The following FGGY variants were observed in gnomAD, a reference collection of about 807,000 sequenced individuals.
The protein encoded by FGGY is FGGY carbohydrate kinase domain containing.
In FGGY, 72 loss-of-function variants were observed where a neutral mutation model predicts 71.3. The ratio of observed to expected loss-of-function variants is 1.01; its 90% CI spans 0.84 to 1.23. FGGY has a LOEUF of 1.23. FGGY is among the 50% of genes most tolerant of loss of function. The pLI is 0.00. For synonymous variants in FGGY, 251 were observed against 250.3 expected, an observed-to-expected ratio of 1.00 and a Z score of -0.02; for missense variants, 668 against 682.3, an observed-to-expected ratio of 0.98 and a Z score of 0.23.
chr1:59,587,569 C>G (rs2096328359), intron 8 of FGGY, among the ~76,000 whole-genome samples: 1 of 152,182 alleles, frequency 6.6e-6, no homozygotes, highest in Admixed American at 6.5e-5. Flanking sequence ...ACTGACACCT[C>G]ACACGGCCGG....
At chr1:59,368,581 C>T (rs991928455) in intron 4 of FGGY, among the ~76,000 whole-genome samples, 2 of 152,104 alleles carry the variant, frequency 1.3e-5, no homozygotes, top group African/African-American at 2.4e-5. Context: ...ACTTAGAGGA[C>T]GATCACTGTG....
At chr1:59,684,093 T>G (rs1022449807) in intron 14 of FGGY, among the ~76,000 whole-genome samples, 4 of 152,218 alleles carry the variant, frequency 2.6e-5, no homozygotes, top group African/African-American at 9.7e-5. Context: ...AGCCTGCATG[T>G]GACGGGAACA....
At chr1:59,729,019 G>T (rs552217043) in intron 14 of FGGY, among the ~76,000 whole-genome samples, 1 of 152,088 alleles carries the variant, frequency 6.6e-6, no homozygotes, top group East Asian at 1.9e-4. Flanking sequence ...CCATGCATAT[G>T]TTATACGTTT....
At chr1:59,601,412 A>G (rs189251766) in intron 8 of FGGY, among the ~76,000 whole-genome samples, 9 of 152,350 alleles carry the variant, frequency 5.9e-5, no homozygotes, top group Admixed American at 1.3e-4. Flanking sequence ...AAACTAAGCC[A>G]ATGGCATGCA....
chr1:59,703,788 T>C (rs533901264), intron 14 of FGGY, among the ~76,000 whole-genome samples: 1 of 152,312 alleles, frequency 6.6e-6, no homozygotes, highest in South Asian at 2.1e-4. Flanking sequence ...TGACTTTGCT[T>C]TCCCCTGAAC....
intron 2 of FGGY, among the ~76,000 whole-genome samples, chr1:59,333,523 A>C (rs2048893961): frequency 6.6e-6 from 1 of 152,198 alleles, no homozygotes. Flanking sequence ...AAGTTATATA[A>C]CTCGGAAATA....
chr1:59,322,433 C>G (rs2046568054), intron 2 of FGGY, among the ~76,000 whole-genome samples: 1 of 152,034 alleles, frequency 6.6e-6, no homozygotes, highest in African/African-American at 2.4e-5. Flanking sequence ...GTCTTTTATT[C>G]CTCACCACCC....
intron 10 of FGGY, among the ~76,000 whole-genome samples, chr1:59,633,434 C>T (rs752597488): frequency 6.6e-6 from 1 of 152,140 alleles, no homozygotes; most frequent in Non-Finnish European, 1.5e-5. Flanking sequence ...TATTTTCTAC[C>T]TCCCAACTGG....
At chr1:59,706,184 C>T (rs1200615997) in intron 14 of FGGY, among the ~76,000 whole-genome samples, 1 of 152,160 alleles carries the variant, frequency 6.6e-6, no homozygotes, top group Non-Finnish European at 1.5e-5. Context: ...TTGAGATCAT[C>T]TCCTCTTCTC....
At chr1:59,545,976 G>A (rs1397600840) in intron 7 of FGGY, among the ~76,000 whole-genome samples, 1 of 152,168 alleles carries the variant, frequency 6.6e-6, no homozygotes, top group Non-Finnish European at 1.5e-5. Context: ...GTCATCAGTT[G>A]TATAGTCAAG....
chr1:59,444,616 G>A (rs762306362), intron 5 of FGGY, among the ~76,000 whole-genome samples: 1 of 152,106 alleles, frequency 6.6e-6, no homozygotes, highest in African/African-American at 2.4e-5. Flanking sequence ...GGTGGGCGGT[G>A]GGCTAGTGAG....
chr1:59,456,596 C>T (rs1421522323), intron 5 of FGGY, among the ~76,000 whole-genome samples: 1 of 151,986 alleles, frequency 6.6e-6, no homozygotes, highest in Non-Finnish European at 1.5e-5. Flanking sequence ...CTAGAGGCAT[C>T]CACCACCAAG....
At chr1:59,597,234 C>T (rs1430504271) in intron 8 of FGGY, among the ~76,000 whole-genome samples, 1 of 152,170 alleles carries the variant, frequency 6.6e-6, no homozygotes, top group African/African-American at 2.4e-5. Flanking sequence ...TTGGGAAACA[C>T]TTCCAAAAGG....
At chr1:59,494,617 T>C (rs987068521) in intron 6 of FGGY, among the ~76,000 whole-genome samples, 1 of 152,134 alleles carries the variant, frequency 6.6e-6, no homozygotes, top group Non-Finnish European at 1.5e-5. Flanking sequence ...TTTTTAACAT[T>C]CTGTTGGCTT....
At chr1:59,704,371 T>C (rs942370522) in intron 14 of FGGY, among the ~76,000 whole-genome samples, 9 of 152,176 alleles carry the variant, frequency 5.9e-5, no homozygotes, top group Admixed American at 5.9e-4. Flanking sequence ...GCACGAACAA[T>C]GTAGGAATAT....
intron 5 of FGGY, among the ~76,000 whole-genome samples, chr1:59,451,206 G>A (rs908280974): frequency 2.0e-5 from 3 of 151,714 alleles, no homozygotes; most frequent in Non-Finnish European, 4.4e-5. Flanking sequence ...TTCTACTAGT[G>A]GTTACATTCT....
chr1:59,455,268 C>A (rs1202525569), intron 5 of FGGY, among the ~76,000 whole-genome samples: 1 of 152,150 alleles, frequency 6.6e-6, no homozygotes, highest in East Asian at 1.9e-4. Flanking sequence ...ACTCAGTCTG[C>A]CCTTCATTGG....
chr1:59,480,349 G>T (rs891758280), intron 6 of FGGY, among the ~76,000 whole-genome samples: 2 of 152,152 alleles, frequency 1.3e-5, no homozygotes, highest in Non-Finnish European at 2.9e-5. Context: ...CTCACCGCAA[G>T]ATCTGCTCTC....
chr1:59,358,787 A>C (rs778154923), intron 4 of FGGY, among the ~76,000 whole-genome samples: 1 of 152,240 alleles, frequency 6.6e-6, no homozygotes, highest in African/African-American at 2.4e-5. Flanking sequence ...TGCTATCTAC[A>C]TACATGGCCA....
Sources: allele counts gnomAD v4.1 joint callset (sites outside exome capture counted in the v4.1 genomes callset), GRCh38; gene constraint gnomAD v4.1.1; transcripts MANE v1.5; gene names NCBI Gene and HGNC (gene_info 2026-07-23, HGNC 2026-07-21).